The following OCA2 variants were observed in gnomAD, a reference collection of about 807,000 sequenced individuals.
The protein encoded by OCA2 is P protein.
Under a neutral mutation model 100.2 loss-of-function variants are expected in OCA2, and 77 were observed. The ratio of observed to expected loss-of-function variants is 0.77; its 90% confidence interval spans 0.64 to 0.93. The LOEUF is 0.93. OCA2 is among the 40% of genes least tolerant of loss of function. The pLI is 0.00. For missense variants in OCA2, 1,062 were observed against 1,089.1 expected, an observed-to-expected ratio of 0.98 and a Z score of 0.35; for synonymous variants, 432 against 439.2, an observed-to-expected ratio of 0.98 and a Z score of 0.21.
chr15:27,788,737 A>T (rs573989925), intron 23 of OCA2, among the ~76,000 whole-genome samples: 3 of 152,110 alleles, frequency 2.0e-5, no homozygotes, highest in Non-Finnish European at 4.4e-5. Context: ...GGTTGGATTT[A>T]TATCTGCTAT....
intron 1 of OCA2, among the ~76,000 whole-genome samples, chr15:28,093,670 T>C (rs2141968642): frequency 1.3e-5 from 2 of 152,212 alleles, no homozygotes; most frequent in South Asian, 4.2e-4. Context: ...ATAGAAGCTA[T>C]ATGAAAAATT....
chr15:28,008,041 GT>G (rs566416581), intron 9 of OCA2, among the ~76,000 whole-genome samples: 1 of 152,280 alleles, frequency 6.6e-6, no homozygotes, highest in South Asian at 2.1e-4. Flanking sequence ...GGAAACATTT[GT>G]TTAATATTTA....
At chr15:27,886,273 T>C (rs1252687149) in intron 19 of OCA2, among the ~76,000 whole-genome samples, 1 of 152,234 alleles carries the variant, frequency 6.6e-6, no homozygotes, top group Non-Finnish European at 1.5e-5. Flanking sequence ...GACAACATGC[T>C]GCTATCAAAA....
intron 9 of OCA2, among the ~76,000 whole-genome samples, chr15:27,996,878 G>GGAACTTTTGTAAAACTTC (rs2041744853): frequency 6.6e-6 from 1 of 151,884 alleles, no homozygotes; most frequent in South Asian, 2.1e-4. Flanking sequence ...TGCCAATACT[G>GGAACTTTTGTAAAACTTC]GAACTTTTGT....
the OCA2 span, among the ~76,000 whole-genome samples, chr15:27,741,109 C>A: frequency 6.6e-6 from 1 of 152,324 alleles, no homozygotes; most frequent in East Asian, 1.9e-4. Context: ...GGCCTGCTTA[C>A]GGCGGAGGCC....
chr15:28,047,032 T>G (rs12442147), intron 2 of OCA2, among the ~76,000 whole-genome samples: 1 of 151,936 alleles, frequency 6.6e-6, no homozygotes, highest in Non-Finnish European at 1.5e-5. Flanking sequence ...CGAAAAAAAT[T>G]TGCCAGCACA....
chr15:28,074,291 C>T (rs1054326742), intron 2 of OCA2, among the ~76,000 whole-genome samples: 1 of 152,130 alleles, frequency 6.6e-6, no homozygotes, highest in Non-Finnish European at 1.5e-5. Context: ...GTAATCCCAG[C>T]ACTTTGGGAG....
At chr15:27,993,053 G>C (rs76268280) in intron 9 of OCA2, among the ~76,000 whole-genome samples, 1 of 152,140 alleles carries the variant, frequency 6.6e-6, no homozygotes. Context: ...GAGCCCTGGA[G>C]GCAGAGCCTG....
intron 19 of OCA2, among the ~76,000 whole-genome samples, chr15:27,902,416 CTAAT>C (rs1034564897): frequency 3.3e-5 from 5 of 152,142 alleles, no homozygotes; most frequent in Admixed American, 2.6e-4. Context: ...TATAGATTGA[CTAAT>C]TAAATTTATT....
At chr15:28,027,838 T>G (rs1271876997) in intron 4 of OCA2, 33 bp downstream of exon 4, 1 of 1,609,162 alleles carries the variant, frequency 6.2e-7, no homozygotes. Context: ...CGGCCACCGC[T>G]GCTGCCAGGG....
rs2043780566 is a variant in OCA2 at position 28,058,701 on chromosome 15, A to G, written c.227+22947T>C. ...TATGTTGCTCTTTTGTATAAATAGT[A>G]ATAATCCAGGTGACCAAAACACTTA... is the stretch of plus-strand genomic sequence containing the variant. On this transcript the variant is annotated intron_variant, in intron 2 of 23. Coordinates refer to ENST00000354638, the MANE Select transcript of OCA2 (RefSeq NM_000275.3). 2.0e-5 allele frequency among the ~76,000 whole-genome samples: 3 copies of G among 152,218 alleles called. No homozygotes were observed. The South Asian group carries it at 6.2e-4, about 31-fold the overall frequency.
At chr15:27,941,843 A>C (rs1029167265) in intron 18 of OCA2, among the ~76,000 whole-genome samples, 9 of 152,220 alleles carry the variant, frequency 5.9e-5, no homozygotes, top group Non-Finnish European at 1.2e-4. Flanking sequence ...CAGATGGAAA[A>C]AACAAGTTCA....
chr15:27,896,362 T>A lies in OCA2; in HGVS notation c.2080-24440A>T, dbSNP rs1038725469. ...GAAGATGCTTACCAGAAACAGTTCG[T>A]TCAATACAGGAAGAACAGTGTAACT... On this transcript the variant is annotated intron_variant, in intron 19 of 23. Coordinates refer to ENST00000354638, the MANE Select transcript of OCA2 (RefSeq NM_000275.3). 7 of 763,252 alleles carry A rather than the reference T, an allele frequency of 9.2e-6. No homozygotes were observed. In the Admixed American group the frequency reaches 1.2e-4, roughly 13 times the overall value. 47.3% of individuals were successfully genotyped at this position (763,252 alleles called of 1,614,324 possible). A position where few individuals can be genotyped will look rare whatever the true frequency, so the allele number is the denominator to read the frequency against.
At chr15:27,851,340 T>C (rs2035741507) in intron 22 of OCA2, 42 bp downstream of exon 22, 10 of 1,509,222 alleles carry the variant, frequency 6.6e-6, no homozygotes, top group South Asian at 3.4e-5. Context: ...AACCACAGTG[T>C]GGGCGTGCAC....
chr15:28,097,414 CTCT>C (rs1485609609), intron 1 of OCA2, among the ~76,000 whole-genome samples: 2 of 152,244 alleles, frequency 1.3e-5, no homozygotes, highest in African/African-American at 4.8e-5. Flanking sequence ...CTTGTGGAGT[CTCT>C]TCTCACATTT....
chr15:27,771,437 C>CCT (rs2031851910), intron 23 of OCA2, among the ~76,000 whole-genome samples: 1 of 152,004 alleles, frequency 6.6e-6, no homozygotes, highest in Admixed American at 6.5e-5. Context: ...TGGGCCGCCC[C>CCT]TCCGTGTGCT....
At chr15:27,753,164 G>A (rs1174200167), downstream of OCA2, among the ~76,000 whole-genome samples, 1 of 152,030 alleles carries the variant, frequency 6.6e-6, no homozygotes, top group Non-Finnish European at 1.5e-5. Flanking sequence ...AAATGTCCTA[G>A]GCCAATGAAC....
intron 19 of OCA2, among the ~76,000 whole-genome samples, chr15:27,911,875 GAATT>G (rs1213794471): frequency 3.9e-5 from 6 of 152,128 alleles, no homozygotes; most frequent in Non-Finnish European, 1.5e-5. Flanking sequence ...GAGAAGAAAA[GAATT>G]AATTTAAGAA....
At chr15:27,943,480 T>A (rs951014570) in intron 18 of OCA2, among the ~76,000 whole-genome samples, 1 of 152,138 alleles carries the variant, frequency 6.6e-6, no homozygotes, top group African/African-American at 2.4e-5. Flanking sequence ...ATCTATATTC[T>A]GTAGAGAATC....
Sources: gnomAD v4.1 joint callset for allele counts (sites outside exome capture counted in the v4.1 genomes callset) on GRCh38, gnomAD v4.1.1 for gene constraint, MANE v1.5 for transcripts, NCBI Gene and HGNC (gene_info 2026-07-23, HGNC 2026-07-21) for gene names.